BMPER: variants seen among roughly 807,000 people sequenced by gnomAD.
BMPER encodes the protein BMP binding endothelial regulator, also known as BMP-binding endothelial regulator protein.
A neutral mutation model predicts 87.3 loss-of-function variants in BMPER; 45 were observed. The ratio of observed to expected loss-of-function variants is 0.52; its 90% confidence interval spans 0.41 to 0.66. BMPER has a LOEUF of 0.66. BMPER is among the 30% of genes least tolerant of loss of function. BMPER has a pLI of 0.00. For missense variants in BMPER, 784 were observed against 867.5 expected (o/e 0.90, Z 1.21); for synonymous variants, 326 against 316.2 (o/e 1.03, Z -0.33).
Position 33,940,561 on chromosome 7 carries a change from T to G in BMPER, c.319+3173T>G, listed in dbSNP as rs115980683. Among the ~76,000 whole-genome samples the G allele has an allele frequency of 6.6e-3, 1,002 of 152,274 alleles. 12 individuals carry two copies. Among genetic ancestry groups the G allele is most frequent in the African/African-American group, 0.023 (956 of 41,544 alleles). ...TAAACCTCTCTGTAACTCTTTTGCA[T>G]TCTGCATTCATATAGGAGAAAACAA... On this transcript the variant is annotated intron_variant, in intron 3 of 14. Coordinates refer to ENST00000649409, the MANE Select transcript of BMPER (RefSeq NM_001365308.1).
intron 13 of BMPER, among the ~76,000 whole-genome samples, chr7:34,092,817 T>C (rs1222475629): frequency 6.6e-6 from 1 of 152,248 alleles, no homozygotes; most frequent in Non-Finnish European, 1.5e-5. Context: ...TGAAAATGTA[T>C]GGAACATCAT....
intron 13 of BMPER, among the ~76,000 whole-genome samples, chr7:34,092,220 C>T (rs1176434757): frequency 6.6e-6 from 1 of 152,192 alleles, no homozygotes; most frequent in Non-Finnish European, 1.5e-5. Flanking sequence ...GCTCCAAATG[C>T]CGTGAGCACT....
rs749432530 is a variant in BMPER at position 34,046,298 on chromosome 7, T to A, written c.577-8T>A. The A allele has an allele frequency of 8.1e-6, 13 of 1,612,924 alleles. No homozygotes were observed. The highest frequency in any genetic ancestry group is 1.1e-5 in the Non-Finnish European group (13 of 1,178,938). On this transcript the variant is annotated splice_region_variant and splice_polypyrimidine_tract_variant and intron_variant, in intron 6 of 14. Transcript: ENST00000649409. Reference sequence around the variant, plus strand: ...CTAAATATGCTTTTTTTTTCTCTCTTTTCTTAGGGAGGCAGGACACAATGT... The same window carrying A: ...CTAAATATGCTTTTTTTTTCTCTCTATTCTTAGGGAGGCAGGACACAATGT...
chr7:34,006,888 G>C (rs1433472546), intron 6 of BMPER, among the ~76,000 whole-genome samples: 3 of 152,086 alleles, frequency 2.0e-5, no homozygotes, highest in African/African-American at 7.2e-5. Flanking sequence ...CAGAAGTGGA[G>C]AACAGGACAG....
chr7:33,915,132 CA>C (rs1193899026), intron 2 of BMPER, among the ~76,000 whole-genome samples: 1 of 152,076 alleles, frequency 6.6e-6, no homozygotes. Flanking sequence ...AAGATCTTAA[CA>C]AAAGTGAATA....
chr7:34,055,542 T>C (rs979722841), intron 9 of BMPER, among the ~76,000 whole-genome samples: 1 of 152,200 alleles, frequency 6.6e-6, no homozygotes, highest in Non-Finnish European at 1.5e-5. Context: ...CTTGACTATA[T>C]TTTTGCTGAA....
intron 7 of BMPER, among the ~76,000 whole-genome samples, chr7:34,049,728 A>G (rs1385173056): frequency 6.6e-6 from 1 of 152,210 alleles, no homozygotes; most frequent in Admixed American, 6.5e-5. Flanking sequence ...TAGATAAAGG[A>G]TAGTAAAAAG....
chr7:34,086,537 G>C (rs1789215602), intron 13 of BMPER, among the ~76,000 whole-genome samples: 1 of 152,158 alleles, frequency 6.6e-6, no homozygotes, highest in African/African-American at 2.4e-5. Context: ...GAAGAGTTTA[G>C]GTCTGCCTTA....
intron 6 of BMPER, among the ~76,000 whole-genome samples, chr7:33,991,433 G>A (rs1164672783): frequency 1.3e-5 from 2 of 152,068 alleles, no homozygotes; most frequent in Admixed American, 6.5e-5. Flanking sequence ...TCTGATGGTA[G>A]TTTGTATTTC....
intron 12 of BMPER, among the ~76,000 whole-genome samples, chr7:34,083,793 C>A (rs1789119966): frequency 6.6e-6 from 1 of 152,092 alleles, no homozygotes; most frequent in African/African-American, 2.4e-5. Flanking sequence ...CTCTCTCTCT[C>A]TCTCTCCTTC....
At chr7:34,140,468 T>C (rs1790836038) in intron 13 of BMPER, among the ~76,000 whole-genome samples, 1 of 152,248 alleles carries the variant, frequency 6.6e-6, no homozygotes, top group African/African-American at 2.4e-5. Flanking sequence ...CAAATATTTT[T>C]CTCTCACACA....
intron 6 of BMPER, among the ~76,000 whole-genome samples, chr7:34,028,740 C>T (rs1313381092): frequency 1.3e-5 from 2 of 149,212 alleles, no homozygotes; most frequent in Middle Eastern, 3.2e-3. Context: ...ACATTGTGTA[C>T]CTAGGAGGAG....
rs1787965068 is a variant in BMPER, at chr7:34,046,321, T to C, written c.592T>C (p.Cys198Arg). Residue 198 changes from cysteine to arginine, a missense_variant, in exon 7 of 15, where the codon TGT becomes CGT. Cys to Arg is a radical substitution (Grantham distance 180). Coordinates refer to ENST00000649409, the MANE Select transcript of BMPER (RefSeq NM_001365308.1). The part of the protein sequence containing the change: ...KCSCTGGRTQ[C>R]VREVCPILSC... ...CTTTTCTTAGGGAGGCAGGACACAA[T>C]GTGTGAGAGAAGTCTGTCCCATTCT... The C allele has an allele frequency of 6.2e-7, 1 of 1,613,718 alleles. No individual in the cohort carries two copies. The highest frequency in any genetic ancestry group is 1.3e-5 in the African/African-American group (1 of 74,866).
At chr7:34,057,922 A>G in intron 9 of BMPER, 137 bp from the exon 10 acceptor site, 2 of 730,952 alleles carry the variant, frequency 2.7e-6, no homozygotes, top group South Asian at 3.0e-5. Context: ...GTAGACAGAC[A>G]CCTGAGTCAT....
At chr7:34,089,537 G>A (rs1789319549) in intron 13 of BMPER, among the ~76,000 whole-genome samples, 3 of 152,110 alleles carry the variant, frequency 2.0e-5, no homozygotes, top group Admixed American at 2.0e-4. Context: ...AGGCTGGAGT[G>A]CAGTGGCGCA....
chr7:33,992,582 C>G (rs941590547), intron 6 of BMPER, among the ~76,000 whole-genome samples: 4 of 149,084 alleles, frequency 2.7e-5, no homozygotes, highest in Non-Finnish European at 4.5e-5. Context: ...ATTTGCCAGT[C>G]TGTGTCTTTT....
intron 6 of BMPER, among the ~76,000 whole-genome samples, chr7:34,043,865 C>T (rs1028861979): frequency 6.6e-6 from 1 of 152,168 alleles, no homozygotes; most frequent in Non-Finnish European, 1.5e-5. Flanking sequence ...AGTACATTTA[C>T]AGTAGGAATT....
intron 6 of BMPER, among the ~76,000 whole-genome samples, chr7:34,033,156 C>T (rs1222177281): frequency 6.6e-6 from 1 of 152,166 alleles, no homozygotes; most frequent in Non-Finnish European, 1.5e-5. Flanking sequence ...CTTAGAGTTT[C>T]ATTCACAGAG....
At chr7:34,020,742 C>T (rs565186755) in intron 6 of BMPER, among the ~76,000 whole-genome samples, 28 of 151,822 alleles carry the variant, frequency 1.8e-4, no homozygotes, top group Non-Finnish European at 3.7e-4. Flanking sequence ...CTGCTGAGTC[C>T]CAGCAGACAA....
Sources: gnomAD v4.1 joint callset for allele counts (sites outside exome capture counted in the v4.1 genomes callset) on GRCh38, gnomAD v4.1.1 for gene constraint, MANE v1.5 for transcripts, NCBI Gene and HGNC (gene_info 2026-07-23, HGNC 2026-07-21) for gene names.